Variants in VSIG10L2 observed in about 807,000 individuals in gnomAD.
VSIG10L2 encodes the protein V-set and immunoglobulin domain containing 10 like 2.
VSIG10L2 carries 56 observed loss-of-function variants against 67.1 expected under a neutral mutation model. The ratio of observed to expected loss-of-function variants is 0.83; its 90% confidence interval spans 0.67 to 1.04. The LOEUF (loss-of-function observed/expected upper bound fraction) is 1.04. VSIG10L2 is among the 50% of genes least tolerant of loss of function. VSIG10L2 has a pLI of 0.00. For synonymous variants in VSIG10L2, 360 were observed against 396.6 expected (o/e 0.91, Z 1.10); for missense variants, 843 against 932.8 (o/e 0.90, Z 1.25).
At chr11:125,954,033 G>C in intron 7 of VSIG10L2, 54 bp from the exon 8 acceptor site, 1 of 1,223,410 alleles carries the variant, frequency 8.2e-7, no homozygotes, top group Non-Finnish European at 1.0e-6. Context: ...GGGGGCACAA[G>C]GTCACGTGGT....
intron 6 of VSIG10L2, among the ~76,000 whole-genome samples, 162 bp downstream of exon 6, chr11:125,952,235 C>T (rs902957901): frequency 6.6e-6 from 1 of 152,102 alleles, no homozygotes; most frequent in African/African-American, 2.4e-5. Flanking sequence ...CCCAGGGACT[C>T]AAGTTTTCTT....
chr11:125,948,385 C>A lies in VSIG10L2; in HGVS notation c.514C>A (p.Arg172=). The change falls in exon 3 of 12, where the codon CGG becomes AGG. Residue 172 remains arginine, a synonymous_variant. Transcript: ENST00000686984. ...GASVVATCAV[R]EGTEPVTFAW... is the part of the protein sequence containing the mutation. Reference sequence around the variant, plus strand: ...CTCCGTGGTGGCCACGTGTGCAGTGCGGGAGGGCACAGAGCCCGTGACCTT... The same window carrying A: ...CTCCGTGGTGGCCACGTGTGCAGTGAGGGAGGGCACAGAGCCCGTGACCTT... 1 of 1,232,372 alleles carries A rather than the reference C, an allele frequency of 8.1e-7. No individual in the cohort carries two copies. The highest frequency in any genetic ancestry group is 1.0e-6 in the Non-Finnish European group (1 of 988,144). The allele number at this position is 1,232,372 out of a possible 1,614,324, so 76.3% of individuals were successfully genotyped here.
rs2134300336 is a variant in VSIG10L2 at position 125,946,300 on chromosome 11, C to T, written c.82+163C>T. On this transcript the variant is annotated intron_variant, in intron 1 of 11. Transcript: ENST00000686984. The surrounding 1 kb of genome is among the most constrained non-coding windows in gnomAD (Gnocchi z 4.4). ...GCGTTCACTGAGCGACTACTATGTGCCACGTAGGTGAGAGCACTCTGCTTA... is the reference window on the plus strand; with the variant it reads ...GCGTTCACTGAGCGACTACTATGTGTCACGTAGGTGAGAGCACTCTGCTTA... 6.6e-6 allele frequency among the ~76,000 whole-genome samples: 1 copy of T among 152,362 alleles called. No individual in the cohort carries two copies. Among genetic ancestry groups the T allele is most frequent in the East Asian group, 1.9e-4 (1 of 5,174 alleles).
At chr11:125,954,427 G>A (rs1945422473) in intron 8 of VSIG10L2, 44 bp downstream of exon 8, 6 of 1,228,968 alleles carry the variant, frequency 4.9e-6, no homozygotes, top group Non-Finnish European at 6.1e-6. Flanking sequence ...TCTCCAAAGC[G>A]CTGGCCCCTG....
In VSIG10L2 at chr11:125,954,095, G is replaced by A; in HGVS notation, c.1795G>A (p.Ala599Thr). 2 of 1,232,164 alleles carry A rather than the reference G, an allele frequency of 1.6e-6. No individual in the cohort carries two copies. The highest frequency in any genetic ancestry group is 2.0e-6 in the Non-Finnish European group (2 of 988,040). 76.3% of individuals were successfully genotyped at this position (1,232,164 alleles called of 1,614,324 possible). A position where few individuals can be genotyped will look rare whatever the true frequency, so the allele number is the denominator to read the frequency against. Residue 599 changes from alanine (A) to threonine (T), a missense_variant, in exon 8 of 12, where the codon GCT becomes ACT. By Grantham distance (58) the Ala-to-Thr change is moderately conservative. Transcript: ENST00000686984. ...TCCCCACCCTCACCCAGGATATCCA[G>A]CTCCTCCCAATGTCACCATCAGCCG... ...SVLLEVLRYP[A>T]PPNVTISRLT...
At chr11:125,950,344 G>C (rs1945351564) in intron 4 of VSIG10L2, 55 bp downstream of exon 4, 2 of 1,231,404 alleles carry the variant, frequency 1.6e-6, no homozygotes, top group African/African-American at 3.1e-5. Context: ...ACTCACGCTG[G>C]AGCCTTTGTG....
rs956314684 is a variant in VSIG10L2, at chr11:125,950,891, C to T, written c.986-19C>T. 5 of 1,232,630 alleles carry T rather than the reference C, an allele frequency of 4.1e-6. No homozygotes were observed. In the Admixed American group the frequency reaches 1.7e-4, roughly 42 times the overall value. 76.4% of individuals were successfully genotyped at this position (1,232,630 alleles called of 1,614,324 possible). On this transcript the variant is annotated intron_variant, in intron 4 of 11. Coordinates refer to ENST00000686984, the MANE Select transcript of VSIG10L2 (RefSeq NM_001365077.2). ...CTGGCAGTGGAGCCTGCTCCAGCCT[C>T]ACCCACTTCCCCATCCAGATCCCCC...
chr11:125,950,297 T>C lies in VSIG10L2; in HGVS notation c.985+8T>C, dbSNP rs912524728. On this transcript the variant is annotated splice_region_variant and intron_variant, in intron 4 of 11. Coordinates refer to ENST00000686984, the MANE Select transcript of VSIG10L2 (RefSeq NM_001365077.2). ...TCCAGCTCACCATCTACTGTGAGTGTGGGGGTCGGGTGACGCCCAGACCTG... is the reference window on the plus strand; with the variant it reads ...TCCAGCTCACCATCTACTGTGAGTGCGGGGGTCGGGTGACGCCCAGACCTG... 31 of 1,232,286 alleles carry C rather than the reference T, an allele frequency of 2.5e-5. No homozygotes were observed. The highest frequency in any genetic ancestry group is 4.2e-5 in the Admixed American group (1 of 23,704). 76.3% of individuals were successfully genotyped at this position (1,232,286 alleles called of 1,614,324 possible).
At chr11:125,953,840 A>C in intron 7 of VSIG10L2, 150 bp downstream of exon 7, 2 of 773,112 alleles carry the variant, frequency 2.6e-6, no homozygotes, top group Non-Finnish European at 3.5e-6. Flanking sequence ...CTCAAGAGAT[A>C]GATGGGCAAC....
At chr11:125,953,763 G>C (rs1424197178) in intron 7 of VSIG10L2, 73 bp downstream of exon 7, 1 of 1,216,886 alleles carries the variant, frequency 8.2e-7, no homozygotes, top group Non-Finnish European at 1.0e-6. Context: ...AGTGCTTTAA[G>C]TGGAAAGGCA....
Position 125,946,181 on chromosome 11 carries a change from C to A in VSIG10L2, c.82+44C>A. 1 of 398,972 alleles carries A rather than the reference C, an allele frequency of 2.5e-6. No homozygotes were observed. Among genetic ancestry groups the A allele is most frequent in the South Asian group, 1.3e-4 (1 of 7,858 alleles). The allele number at this position is 398,972 out of a possible 1,614,324, so 24.7% of individuals were successfully genotyped here. A position where few individuals can be genotyped will look rare whatever the true frequency, so the allele number is the denominator to read the frequency against. On this transcript the variant is annotated intron_variant, in intron 1 of 11. Coordinates refer to ENST00000686984, the MANE Select transcript of VSIG10L2 (RefSeq NM_001365077.2). The surrounding 1 kb of genome is among the most constrained non-coding windows in gnomAD (Gnocchi z 4.4). ...CCCCAGGGGGTTCATTTCCCACTCC[C>A]ATCCCATTATTCCTGCCACTTCCTG...
intron 5 of VSIG10L2, 29 bp from the exon 6 acceptor site, chr11:125,951,784 G>A (rs936789757): frequency 3.4e-6 from 5 of 1,470,180 alleles, no homozygotes; most frequent in African/African-American, 1.4e-5. Flanking sequence ...TCCTTCCACA[G>A]GGCCATACTG....
At position 125,952,065 on chromosome 11, in the gene VSIG10L2, TC is replaced by T. The variant is rs1355781843; in HGVS notation, c.1489del (p.Gln497SerfsTer99). On this transcript the variant is annotated frameshift_variant, in exon 6 of 12. Transcript: ENST00000686984. LOFTEE classifies it high-confidence loss of function. Reference protein sequence around the residue: ...LLRTPDPHCHLQLEAPQLDVA... With the variant: ...LLRTPDPHCHXQLEAPQLDVA... ...AGGACCCCTGACCCCCACTGCCACC[TC>T]CAGCTGGGTGAGTAGGGGCTAGCGA... The T allele has an allele frequency of 6.5e-7, 1 of 1,533,366 alleles. No individual in the cohort carries two copies. Among genetic ancestry groups the T allele is most frequent in the South Asian group, 1.2e-5 (1 of 83,618 alleles). The allele number at this position is 1,533,366 out of a possible 1,614,324, so 95.0% of individuals were successfully genotyped here. A position where few individuals can be genotyped will look rare whatever the true frequency, so the allele number is the denominator to read the frequency against.
At position 125,954,371 on chromosome 11, in the gene VSIG10L2, G is replaced by A; in HGVS notation, c.2071G>A (p.Val691Met). Residue 691 changes from valine to methionine, a missense_variant, in exon 8 of 12, where the codon GTG (valine) becomes ATG (methionine). Val to Met is a conservative substitution (Grantham distance 21). Coordinates refer to ENST00000686984, the MANE Select transcript of VSIG10L2 (RefSeq NM_001365077.2). ...CCACACTGCAGGACATCCCTCTGAG[G>A]TGAAGATACCAGGTGCCAGCTAATG... ...NHHTAGHPSE[V>M]KIPADPPFSA... is the part of the protein sequence containing the mutation. 1 of 1,232,168 alleles carries A rather than the reference G, an allele frequency of 8.1e-7. No individual in the cohort carries two copies. Among genetic ancestry groups the A allele is most frequent in the South Asian group, 4.1e-5 (1 of 24,312 alleles). 76.3% of individuals were successfully genotyped at this position (1,232,168 alleles called of 1,614,324 possible).
chr11:125,954,014 A>G (rs1404187811), intron 7 of VSIG10L2, 73 bp from the exon 8 acceptor site: 6 of 1,195,084 alleles, frequency 5.0e-6, no homozygotes, highest in African/African-American at 1.6e-5. Context: ...TCTTGACAGG[A>G]GCAAATCTGG....
rs1322145774 is a variant in VSIG10L2 at position 125,952,027 on chromosome 11, C to T, written c.1449C>T (p.Gly483=). ...CTGGCAGAGAGTTCACCTGCCGGGG[C>T]ACTCACCTGCTCAGGACCCCTGACC... The part of the protein sequence containing the change: ...DLAGREFTCR[G]THLLRTPDPH... The change falls in exon 6 of 12, where the codon GGC becomes GGT. Residue 483 remains glycine, a synonymous_variant. Coordinates refer to ENST00000686984, the MANE Select transcript of VSIG10L2 (RefSeq NM_001365077.2). 6 of 1,535,926 alleles carry T rather than the reference C, an allele frequency of 3.9e-6. No individual in the cohort carries two copies. The highest frequency in any genetic ancestry group is 2.0e-5 in the Admixed American group (1 of 50,982).
intron 9 of VSIG10L2, among the ~76,000 whole-genome samples, 100 bp from the exon 10 acceptor site, chr11:125,955,382 T>C (rs551291086): frequency 4.4e-4 from 67 of 152,330 alleles, no homozygotes; most frequent in East Asian, 1.5e-3. Context: ...TCTGGGTTCC[T>C]GAGGCCCTAG....
chr11:125,953,714 T>C, intron 7 of VSIG10L2, 24 bp downstream of exon 7: 1 of 1,232,028 alleles, frequency 8.1e-7, no homozygotes, highest in Non-Finnish European at 1.0e-6. Context: ...TGAATGCGTG[T>C]GTGTGGTGAG....
At chr11:125,954,878 C>T (rs1269223887) in intron 8 of VSIG10L2, among the ~76,000 whole-genome samples, 179 bp from the exon 9 acceptor site, 2 of 152,208 alleles carry the variant, frequency 1.3e-5, no homozygotes, top group Middle Eastern at 3.2e-3. Flanking sequence ...GCAGACAGAG[C>T]GCCGCCTTCC....
Sources: gnomAD v4.1 joint callset for allele counts (sites outside exome capture counted in the v4.1 genomes callset) on GRCh38, gnomAD v4.1.1 for gene constraint, Gnocchi (gnomAD v3.1) non-coding constraint, MANE v1.5 for transcripts, NCBI Gene and HGNC (gene_info 2026-07-23, HGNC 2026-07-21) for gene names.